Variants in CCDC88C observed in about 807,000 individuals in gnomAD.
The protein encoded by CCDC88C is coiled-coil and HOOK domain protein 88C.
A neutral mutation model predicts 198.8 loss-of-function variants in CCDC88C; 131 were observed. The observed-to-expected ratio is 0.66, with a 90% CI of 0.57 to 0.76. The LOEUF (loss-of-function observed/expected upper bound fraction) is 0.76, where lower values mean the gene tolerates loss of function less well. Among genes scored for constraint, CCDC88C ranks in the 30% least tolerant of loss-of-function variants. The pLI is 0.00. For synonymous variants in CCDC88C, 1,166 were observed against 1,114.7 expected (o/e 1.05, Z -0.92); for missense variants, 2,553 against 2,631.6 (o/e 0.97, Z 0.65).
At chr14:91,391,592 A>C (rs1885508715) in intron 3 of CCDC88C, among the ~76,000 whole-genome samples, 1 of 152,224 alleles carries the variant, frequency 6.6e-6, no homozygotes, top group South Asian at 2.1e-4. Context: ...CAGCCTGGCC[A>C]ACATGGTGAA....
chr14:91,338,594 A>T lies in CCDC88C; in HGVS notation c.810-24T>A, dbSNP rs757576608. The T allele has an allele frequency of 2.0e-6, 3 of 1,531,982 alleles. No homozygotes were observed. In the African/African-American group the frequency reaches 4.1e-5, roughly 21 times the overall value. 94.9% of individuals were successfully genotyped at this position (1,531,982 alleles called of 1,614,324 possible). A position where few individuals can be genotyped will look rare whatever the true frequency, so the allele number is the denominator to read the frequency against. On this transcript the variant is annotated intron_variant, in intron 8 of 29. Coordinates refer to ENST00000389857, the MANE Select transcript of CCDC88C (RefSeq NM_001080414.4). The surrounding 1 kb of genome is among the most constrained non-coding windows in gnomAD (Gnocchi z 4.8). ...CCCTGCAGAGGCAGTAAGGAGAAAG[A>T]GTGTGGGAGGCAGCTTCCTCAACAA...
At chr14:91,321,375 A>AG in intron 12 of CCDC88C, 71 bp from the exon 13 acceptor site, 1 of 1,483,822 alleles carries the variant, frequency 6.7e-7, no homozygotes, top group Non-Finnish European at 9.1e-7. Context: ...CCAAGCTCCG[A>AG]GATGGTCATC....
intron 14 of CCDC88C, 145 bp downstream of exon 14, chr14:91,315,505 T>G: frequency 2.2e-6 from 2 of 923,544 alleles, no homozygotes; most frequent in Non-Finnish European, 1.6e-6. Flanking sequence ...GTTGGGAAAT[T>G]GAGAATTGCT....
chr14:91,319,610 C>T (rs780247337), intron 13 of CCDC88C, among the ~76,000 whole-genome samples: 13 of 152,236 alleles, frequency 8.5e-5, no homozygotes, highest in Admixed American at 2.0e-4. Flanking sequence ...TGGTTCTTCT[C>T]CCTGGGTCCC....
At chr14:91,383,802 C>A (rs570244811) in intron 3 of CCDC88C, among the ~76,000 whole-genome samples, 5 of 152,276 alleles carry the variant, frequency 3.3e-5, no homozygotes, top group African/African-American at 9.6e-5. Flanking sequence ...ATGAAGAGGA[C>A]CTAGCACTGG....
Position 91,308,409 on chromosome 14 carries a change from T to G in CCDC88C, c.2948A>C (p.Glu983Ala). Residue 983 changes from glutamate to alanine, a missense_variant, in exon 17 of 30, where the codon GAA becomes GCA. By Grantham distance (107) the Glu-to-Ala change is moderately radical. Transcript: ENST00000389857. Reference sequence around the variant, plus strand: ...GCTCGCTTTCTCTTCCATCTGTGCTTCTAAGAGCACAATCTTTTCTTCTTT... The same window carrying G: ...GCTCGCTTTCTCTTCCATCTGTGCTGCTAAGAGCACAATCTTTTCTTCTTT... ...AMKEEKIVLL[E>A]AQMEEKASLN... 2 of 1,613,862 alleles carry G rather than the reference T, an allele frequency of 1.2e-6. No individual in the cohort carries two copies. Among genetic ancestry groups the G allele is most frequent in the South Asian group, 1.1e-5 (1 of 91,082 alleles).
At chr14:91,281,241 T>C in intron 27 of CCDC88C, 1 of 1,254,354 alleles carries the variant, frequency 8.0e-7, no homozygotes. Context: ...TCCAGAACTG[T>C]GATGCTTGGG....
Position 91,288,385 on chromosome 14 carries a change from G to GT in CCDC88C, c.4441+719dup, listed in dbSNP as rs947897946. ...AAGTCCTAACCCACCTTTCAAAGTGGTAACAGATAAACCACCCAAGGCTTT... is the reference window on the plus strand; with the variant it reads ...AAGTCCTAACCCACCTTTCAAAGTGGTTAACAGATAAACCACCCAAGGCTTT... On this transcript the variant is annotated intron_variant, in intron 25 of 29. Coordinates refer to ENST00000389857, the MANE Select transcript of CCDC88C (RefSeq NM_001080414.4). This position sits in a 1 kb window ranked among gnomAD's most constrained non-coding sequence, Gnocchi z 4.2. 3.9e-5 allele frequency among the ~76,000 whole-genome samples: 6 copies of GT among 152,188 alleles called. No individual in the cohort carries two copies. The highest frequency in any genetic ancestry group is 2.6e-4 in the Admixed American group (4 of 15,280).
chr14:91,277,727 A>G (rs1332209475), intron 29 of CCDC88C, among the ~76,000 whole-genome samples, 195 bp downstream of exon 29: 1 of 152,232 alleles, frequency 6.6e-6, no homozygotes. Flanking sequence ...AGGGGAGAGC[A>G]GCCTCCAGGG....
chr14:91,386,085 T>A (rs1030933571), intron 3 of CCDC88C, among the ~76,000 whole-genome samples: 1 of 152,032 alleles, frequency 6.6e-6, no homozygotes, highest in African/African-American at 2.4e-5. Context: ...TCCTGAACCA[T>A]CTACTTCACA....
intron 5 of CCDC88C, 128 bp from the exon 6 acceptor site, chr14:91,342,591 C>G (rs947888182): frequency 1.0e-5 from 7 of 692,522 alleles, no homozygotes; most frequent in Non-Finnish European, 1.9e-5. Flanking sequence ...TAACTAAGAA[C>G]GCTCTTGTCC....
chr14:91,313,273 A>G lies in CCDC88C; in HGVS notation c.2543T>C (p.Val848Ala). 6.2e-7 allele frequency: 1 copy of G among 1,613,480 alleles called. No homozygotes were observed. Among genetic ancestry groups the G allele is most frequent in the Non-Finnish European group, 8.5e-7 (1 of 1,179,852 alleles). Residue 848 changes from valine (V) to alanine (A), a missense_variant, in exon 15 of 30, where the codon GTG (valine) becomes GCG (alanine). Physicochemically the swap from Val to Ala is moderately conservative, Grantham distance 64. Coordinates refer to ENST00000389857, the MANE Select transcript of CCDC88C (RefSeq NM_001080414.4). The surrounding 1 kb of genome is among the most constrained non-coding windows in gnomAD (Gnocchi z 5.2). Reference sequence around the variant, plus strand: ...GTCCAAGACTGCATCCTTGAGCTCCACCTGCTGCCACAGCCGCTTGGCCTC... The same window carrying G: ...GTCCAAGACTGCATCCTTGAGCTCCGCCTGCTGCCACAGCCGCTTGGCCTC... ...EKEAKRLWQQ[V>A]ELKDAVLDDS... is the part of the protein sequence containing the mutation.
chr14:91,283,586 T>G, intron 25 of CCDC88C, 69 bp from the exon 26 acceptor site: 2 of 1,452,176 alleles, frequency 1.4e-6, no homozygotes, highest in Non-Finnish European at 9.4e-7. Flanking sequence ...AACCACACCA[T>G]GGCCTAGAAG....
intron 3 of CCDC88C, among the ~76,000 whole-genome samples, chr14:91,387,332 A>G (rs919644406): frequency 2.6e-5 from 4 of 152,182 alleles, no homozygotes; most frequent in Admixed American, 6.5e-5. Context: ...GGAGAGTGCC[A>G]ACGTCCGGGC....
At chr14:91,399,980 C>T (rs900986328) in intron 3 of CCDC88C, among the ~76,000 whole-genome samples, 1 of 152,064 alleles carries the variant, frequency 6.6e-6, no homozygotes, top group East Asian at 1.9e-4. Context: ...TCTGCAGGTG[C>T]CGCTCTTCCC....
chr14:91,274,711 T>C (rs966647104), intron 29 of CCDC88C, among the ~76,000 whole-genome samples: 4 of 152,210 alleles, frequency 2.6e-5, no homozygotes, highest in African/African-American at 9.7e-5. Context: ...GTACCTTTCA[T>C]CACCTGTGGG....
chr14:91,324,643 T>C (rs1479965227), intron 12 of CCDC88C, 136 bp downstream of exon 12: 1 of 1,122,082 alleles, frequency 8.9e-7, no homozygotes, highest in Admixed American at 2.2e-5. Flanking sequence ...CAGTTCCAAG[T>C]GGAGCTTGAA....
At chr14:91,336,643 C>T (rs1032280770) in intron 10 of CCDC88C, among the ~76,000 whole-genome samples, 7 of 152,248 alleles carry the variant, frequency 4.6e-5, no homozygotes, top group Non-Finnish European at 1.5e-5. Flanking sequence ...GAGAAACGGT[C>T]TACCCTCCCC....
intron 10 of CCDC88C, among the ~76,000 whole-genome samples, chr14:91,335,779 A>G (rs1484458515): frequency 2.6e-5 from 4 of 152,202 alleles, no homozygotes; most frequent in African/African-American, 9.6e-5. Flanking sequence ...GGGAATCCCA[A>G]ATTGTTCTAA....
Sources: gnomAD v4.1 joint callset for allele counts (sites outside exome capture counted in the v4.1 genomes callset) on GRCh38, gnomAD v4.1.1 for gene constraint, Gnocchi (gnomAD v3.1) non-coding constraint, MANE v1.5 for transcripts, NCBI Gene and HGNC (gene_info 2026-07-23, HGNC 2026-07-21) for gene names.